DGKI: variants seen among roughly 807,000 people sequenced by gnomAD.
DGKI encodes diacylglycerol kinase iota.
Under a neutral mutation model 147.5 loss-of-function variants are expected in DGKI, and 55 were observed. The ratio of observed to expected loss-of-function variants is 0.37; its 90% CI spans 0.30 to 0.47. The LOEUF is 0.47. Among genes scored for constraint, DGKI ranks in the 20% least tolerant of loss-of-function variants. The probability of loss-of-function intolerance (pLI) is 1.00; values close to 1 mark genes in which losing one functional copy is unlikely to be tolerated. For synonymous variants in DGKI, 469 were observed against 477.1 expected (o/e 0.98, Z 0.22); for missense variants, 1,007 against 1,323.8 (o/e 0.76, Z 3.71).
At chr7:137,474,595 G>C (rs1815102372) in intron 23 of DGKI, among the ~76,000 whole-genome samples, 1 of 152,174 alleles carries the variant, frequency 6.6e-6, no homozygotes, top group South Asian at 2.1e-4. Context: ...AAGATAGTGA[G>C]AAAGTCTGCT....
At position 137,711,557 on chromosome 7, in the gene DGKI, T is replaced by G. The variant is rs28478384; in HGVS notation, c.402-21555A>C. On this transcript the variant is annotated intron_variant, in intron 1 of 32. Coordinates refer to ENST00000614521, the MANE Select transcript of DGKI (RefSeq NM_001321708.2). ...TTTAAATGCAAATAGAGCTATACTA[T>G]GTATTCTTGACAGGGGGCATGGAAC... 7.4e-3 allele frequency among the ~76,000 whole-genome samples: 1,133 copies of G among 152,202 alleles called. 6 individuals carry two copies. The highest frequency in any genetic ancestry group is 0.026 in the African/African-American group (1,092 of 41,508).
At chr7:137,485,299 A>G in intron 23 of DGKI, 75 bp downstream of exon 23, 1 of 1,149,526 alleles carries the variant, frequency 8.7e-7, no homozygotes, top group Non-Finnish European at 1.3e-6. Flanking sequence ...CTCTAAATCA[A>G]AATAAGACAT....
At chr7:137,661,457 G>C (rs1010502848) in intron 3 of DGKI, among the ~76,000 whole-genome samples, 1 of 152,080 alleles carries the variant, frequency 6.6e-6, no homozygotes. Flanking sequence ...AGTGCATAAG[G>C]GGGCAGATGG....
chr7:137,788,431 T>C (rs913906195), intron 1 of DGKI, among the ~76,000 whole-genome samples: 1 of 152,146 alleles, frequency 6.6e-6, no homozygotes, highest in African/African-American at 2.4e-5. Context: ...CTCCTCCTTC[T>C]GAACTTTTCA....
At chr7:137,495,090 C>A (rs377544093) in intron 21 of DGKI, among the ~76,000 whole-genome samples, 4 of 151,772 alleles carry the variant, frequency 2.6e-5, no homozygotes, top group South Asian at 4.1e-4. Flanking sequence ...AGAGAAGATC[C>A]AAATAAACAC....
At chr7:137,577,173 G>A (rs372832101) in intron 17 of DGKI, 49 bp downstream of exon 17, 2 of 1,341,270 alleles carry the variant, frequency 1.5e-6, no homozygotes, top group African/African-American at 2.9e-5. Context: ...GTTTTTTGTG[G>A]CAGTCATATC....
intron 21 of DGKI, among the ~76,000 whole-genome samples, chr7:137,518,364 A>G (rs1816852633): frequency 6.6e-6 from 1 of 152,104 alleles, no homozygotes. Context: ...CTACTAAATC[A>G]CCAAACAAGG....
chr7:137,600,618 A>T (rs527572383), intron 10 of DGKI, among the ~76,000 whole-genome samples: 4 of 152,332 alleles, frequency 2.6e-5, no homozygotes, highest in Non-Finnish European at 4.4e-5. Context: ...TAGTCAGCCT[A>T]TGTAATTTGA....
At chr7:137,450,580 A>G (rs145221102) in intron 27 of DGKI, among the ~76,000 whole-genome samples, 4,709 of 151,938 alleles carry the variant, frequency 0.031, 282 homozygotes, top group African/African-American at 0.11. Flanking sequence ...AAATTAGCCA[A>G]GCGTGGTGGC....
chr7:137,504,914 A>G (rs1412979466), intron 21 of DGKI, among the ~76,000 whole-genome samples: 1 of 152,198 alleles, frequency 6.6e-6, no homozygotes. Context: ...ACTCTGTGAA[A>G]AGAGAGTGTT....
At chr7:137,725,002 G>T (rs527744255) in intron 1 of DGKI, among the ~76,000 whole-genome samples, 2 of 152,150 alleles carry the variant, frequency 1.3e-5, no homozygotes, top group Non-Finnish European at 2.9e-5. Context: ...CAGTGATGGA[G>T]GAGGAAAAGC....
chr7:137,454,164 T>C (rs1412934489), intron 27 of DGKI, among the ~76,000 whole-genome samples: 1 of 152,190 alleles, frequency 6.6e-6, no homozygotes, highest in Non-Finnish European at 1.5e-5. Context: ...TGTGATGTAA[T>C]GCATTCATTG....
chr7:137,573,794 C>G (rs770515820), intron 17 of DGKI, among the ~76,000 whole-genome samples: 1 of 152,194 alleles, frequency 6.6e-6, no homozygotes, highest in East Asian at 1.9e-4. Flanking sequence ...CTCAACAACC[C>G]TCGAACATGG....
chr7:137,680,409 C>T (rs1371075809), intron 2 of DGKI, among the ~76,000 whole-genome samples: 1 of 152,216 alleles, frequency 6.6e-6, no homozygotes, highest in African/African-American at 2.4e-5. Context: ...ACATGAGCCA[C>T]TTTTATTATA....
intron 1 of DGKI, among the ~76,000 whole-genome samples, chr7:137,730,709 C>T (rs886329981): frequency 6.6e-6 from 1 of 152,048 alleles, no homozygotes; most frequent in African/African-American, 2.4e-5. Context: ...ATGAACACAT[C>T]CATCACCCCG....
intron 20 of DGKI, among the ~76,000 whole-genome samples, chr7:137,522,819 A>G (rs1817009637): frequency 6.6e-6 from 1 of 152,118 alleles, no homozygotes; most frequent in Non-Finnish European, 1.5e-5. Flanking sequence ...ACGATGGGTC[A>G]ATACATTTCT....
At chr7:137,412,299 C>G (rs1191693385) in intron 28 of DGKI, 92 bp from the exon 29 acceptor site, 2 of 1,210,344 alleles carry the variant, frequency 1.7e-6, no homozygotes, top group Non-Finnish European at 2.4e-6. Context: ...GATAAGTAGT[C>G]TACATTTGGG....
At chr7:137,410,424 A>G (rs1464860362) in intron 29 of DGKI, among the ~76,000 whole-genome samples, 1 of 152,172 alleles carries the variant, frequency 6.6e-6, no homozygotes, top group Non-Finnish European at 1.5e-5. Context: ...AAACAAAATA[A>G]GGTGTTATTA....
intron 23 of DGKI, among the ~76,000 whole-genome samples, chr7:137,472,820 T>G (rs894075914): frequency 2.0e-5 from 3 of 151,994 alleles, no homozygotes; most frequent in African/African-American, 7.2e-5. Context: ...ATCTTCTCTA[T>G]GAATAAAGGG....
Sources: allele counts gnomAD v4.1 joint callset (sites outside exome capture counted in the v4.1 genomes callset), GRCh38; gene constraint gnomAD v4.1.1; transcripts MANE v1.5; gene names NCBI Gene and HGNC (gene_info 2026-07-23, HGNC 2026-07-21).